Variants in LRMDA observed in about 807,000 individuals in gnomAD.
LRMDA encodes leucine rich melanocyte differentiation associated, also known as leucine-rich melanocyte differentiation-associated protein.
In LRMDA, 18 loss-of-function variants were observed where a neutral mutation model predicts 29.8. The observed-to-expected ratio is 0.60, with a 90% CI of 0.42 to 0.90. The LOEUF (loss-of-function observed/expected upper bound fraction) is 0.90, where lower values mean the gene tolerates loss of function less well. Ranked by LOEUF, LRMDA falls within the 40% of genes least tolerant of loss-of-function variation. The probability of loss-of-function intolerance (pLI) is 0.00; values close to 1 mark genes in which losing one functional copy is unlikely to be tolerated. For synonymous variants in LRMDA, 125 were observed against 109.4 expected, an observed-to-expected ratio of 1.14 and a Z score of -0.89; for missense variants, 273 against 273.9, an observed-to-expected ratio of 1.00 and a Z score of 0.02.
intron 2 of LRMDA, among the ~76,000 whole-genome samples, chr10:75,764,930 T>TGG (rs1843144298): frequency 1.1e-5 from 1 of 94,250 alleles, no homozygotes; most frequent in African/African-American, 3.9e-5. Context: ...AAGAGACACG[T>TGG]GTGTGTGTGT....
intron 6 of LRMDA, among the ~76,000 whole-genome samples, chr10:76,492,793 T>G (rs573327265): frequency 3.3e-5 from 5 of 152,044 alleles, no homozygotes; most frequent in Admixed American, 1.3e-4. Flanking sequence ...AGGAAGCCCT[T>G]TATAAAACCA....
intron 6 of LRMDA, among the ~76,000 whole-genome samples, chr10:76,526,019 T>C (rs1473321313): frequency 6.6e-6 from 1 of 152,152 alleles, no homozygotes; most frequent in Non-Finnish European, 1.5e-5. Context: ...GATTCACAAT[T>C]TGCAACCTAA....
chr10:76,354,938 A>G (rs1353013146), intron 6 of LRMDA, among the ~76,000 whole-genome samples: 1 of 152,182 alleles, frequency 6.6e-6, no homozygotes, highest in Non-Finnish European at 1.5e-5. Context: ...GCCCGTAACC[A>G]GCCTCTCTTC....
chr10:75,869,385 C>T (rs184258207), intron 2 of LRMDA, among the ~76,000 whole-genome samples: 14 of 152,270 alleles, frequency 9.2e-5, no homozygotes, highest in South Asian at 2.1e-4. Flanking sequence ...TGTGATATTC[C>T]GTCTTGAGGG....
chr10:76,539,587 G>C (rs1029138399), intron 6 of LRMDA, among the ~76,000 whole-genome samples: 2 of 152,088 alleles, frequency 1.3e-5, no homozygotes, highest in Non-Finnish European at 2.9e-5. Flanking sequence ...TGGGCAGAGG[G>C]CCTGAGCAAT....
chr10:75,868,965 G>A (rs1428663572), intron 2 of LRMDA, among the ~76,000 whole-genome samples: 1 of 152,184 alleles, frequency 6.6e-6, no homozygotes, highest in Non-Finnish European at 1.5e-5. Context: ...AAGAAAAAGG[G>A]TAAAGGCAAA....
intron 5 of LRMDA, among the ~76,000 whole-genome samples, chr10:76,186,207 C>T (rs1180516512): frequency 6.6e-6 from 1 of 152,160 alleles, no homozygotes; most frequent in African/African-American, 2.4e-5. Context: ...GTGCCACTCA[C>T]AGCAATGTGC....
chr10:76,084,495 G>A (rs1049054192), intron 5 of LRMDA, among the ~76,000 whole-genome samples: 7 of 150,046 alleles, frequency 4.7e-5, no homozygotes, highest in Admixed American at 1.3e-4. Context: ...GAATATAGGC[G>A]TGAGCCACTG....
intron 2 of LRMDA, among the ~76,000 whole-genome samples, chr10:75,506,481 TTG>T (rs1450788331): frequency 4.2e-5 from 1 of 23,856 alleles, no homozygotes; most frequent in Non-Finnish European, 8.2e-5. Context: ...TTCATTTCTG[TTG>T]TTTTTTTTTG....
chr10:76,363,276 A>AAGGAAGGAAAGGAAGGAAGGAAGG (rs1218743181), intron 6 of LRMDA, among the ~76,000 whole-genome samples: 1 of 58,874 alleles, frequency 1.7e-5, no homozygotes, highest in Non-Finnish European at 3.2e-5. Flanking sequence ...GGAAGGAAGG[A>AAGGAAGGAAAGGAAGGAAGGAAGG]AAGGAAGGAA....
intron 5 of LRMDA, among the ~76,000 whole-genome samples, chr10:76,076,042 A>C (rs778773052): frequency 1.3e-5 from 2 of 152,208 alleles, no homozygotes; most frequent in Non-Finnish European, 2.9e-5. Context: ...TTCGTGCCCA[A>C]TAAAGACTTA....
intron 2 of LRMDA, among the ~76,000 whole-genome samples, chr10:75,957,975 G>A (rs1043697219): frequency 2.6e-5 from 4 of 152,168 alleles, no homozygotes; most frequent in Non-Finnish European, 5.9e-5. Context: ...TAAAGAACCC[G>A]TCATGAGCCA....
At chr10:75,755,968 G>T (rs1843027399) in intron 2 of LRMDA, among the ~76,000 whole-genome samples, 1 of 152,198 alleles carries the variant, frequency 6.6e-6, no homozygotes, top group Non-Finnish European at 1.5e-5. Flanking sequence ...TGTGGAGAAT[G>T]GATTGTAGAG....
chr10:76,367,691 A>T (rs1216925876), intron 6 of LRMDA, among the ~76,000 whole-genome samples: 2 of 151,976 alleles, frequency 1.3e-5, no homozygotes, highest in Non-Finnish European at 2.9e-5. Context: ...TAGGTGATCC[A>T]CCTGCCTCGG....
intron 2 of LRMDA, among the ~76,000 whole-genome samples, chr10:75,713,481 T>G (rs1301966443): frequency 1.3e-5 from 2 of 152,244 alleles, no homozygotes; most frequent in Non-Finnish European, 1.5e-5. Flanking sequence ...GAATGCAATT[T>G]CCTGAGACCA....
At chr10:75,522,349 G>C (rs1240247679) in intron 2 of LRMDA, among the ~76,000 whole-genome samples, 1 of 152,194 alleles carries the variant, frequency 6.6e-6, no homozygotes, top group Non-Finnish European at 1.5e-5. Flanking sequence ...ATCTGGTATA[G>C]GGGTTGCAAA....
intron 6 of LRMDA, among the ~76,000 whole-genome samples, chr10:76,400,415 T>C (rs1841835965): frequency 6.6e-6 from 1 of 152,220 alleles, no homozygotes; most frequent in African/African-American, 2.4e-5. Flanking sequence ...ATATGTATTA[T>C]TTTAAGCTGT....
intron 5 of LRMDA, among the ~76,000 whole-genome samples, chr10:76,321,532 C>CT (rs79862487): frequency 0.015 from 2,189 of 145,734 alleles, 29 homozygotes; most frequent in African/African-American, 0.037. Flanking sequence ...TAAAGACATT[C>CT]TTTTTTTTTT....
At chr10:75,764,837 G>T (rs1843142030) in intron 2 of LRMDA, among the ~76,000 whole-genome samples, 1 of 152,108 alleles carries the variant, frequency 6.6e-6, no homozygotes, top group Non-Finnish European at 1.5e-5. Flanking sequence ...CAATCTGGTT[G>T]TCATTGTGTC....
Sources: gnomAD v4.1 joint callset for allele counts (sites outside exome capture counted in the v4.1 genomes callset) on GRCh38, gnomAD v4.1.1 for gene constraint, MANE v1.5 for transcripts, NCBI Gene and HGNC (gene_info 2026-07-23, HGNC 2026-07-21) for gene names.